NTN4: variants seen among roughly 807,000 people sequenced by gnomAD.
NTN4 encodes netrin-4.
Under a neutral mutation model 73.6 loss-of-function variants are expected in NTN4, and 32 were observed. The observed-to-expected ratio is 0.44, with a 90% CI of 0.33 to 0.58. The LOEUF (loss-of-function observed/expected upper bound fraction) is 0.58, where lower values mean the gene tolerates loss of function less well. NTN4 is among the 20% of genes least tolerant of loss of function. NTN4 has a pLI of 0.04. For missense variants in NTN4, 654 were observed against 798.3 expected (o/e 0.82, Z 2.18); for synonymous variants, 258 against 287.5 (o/e 0.90, Z 1.04).
intron 3 of NTN4, among the ~76,000 whole-genome samples, chr12:95,732,071 T>A (rs2078741133): frequency 6.6e-6 from 1 of 152,224 alleles, no homozygotes; most frequent in African/African-American, 2.4e-5. Flanking sequence ...TTTACAGATG[T>A]ACATTTCCAA....
At chr12:95,742,492 G>A (rs769815177) in intron 2 of NTN4, among the ~76,000 whole-genome samples, 1 of 152,146 alleles carries the variant, frequency 6.6e-6, no homozygotes, top group African/African-American at 2.4e-5. Flanking sequence ...GGAATTCTTT[G>A]AGAATCAAAC....
intron 2 of NTN4, among the ~76,000 whole-genome samples, chr12:95,766,645 T>C (rs1002941179): frequency 1.3e-5 from 2 of 152,258 alleles, no homozygotes; most frequent in African/African-American, 4.8e-5. Context: ...TTGTTCATTA[T>C]ATAACGAGGT....
chr12:95,758,922 C>A (rs1396991870), intron 2 of NTN4, among the ~76,000 whole-genome samples: 2 of 152,102 alleles, frequency 1.3e-5, no homozygotes, highest in African/African-American at 4.8e-5. Context: ...TGTTTTGTGT[C>A]CCATTCTAAG....
chr12:95,735,900 T>TA lies in NTN4; in HGVS notation c.864+1965dup, dbSNP rs376299997. ...TTAAATGCCTGCTCATGATTTTTTT[T>TA]AAATTTTTATTTATTTATTTATTTA... On this transcript the variant is annotated intron_variant, in intron 3 of 9. Coordinates refer to ENST00000343702, the MANE Select transcript of NTN4 (RefSeq NM_021229.4). Among the ~76,000 whole-genome samples, 1,204 of 145,822 alleles carry TA rather than the reference T, an allele frequency of 8.3e-3. 15 individuals carry two copies. The highest frequency in any genetic ancestry group is 0.028 in the African/African-American group (1,140 of 40,208).
intron 5 of NTN4, among the ~76,000 whole-genome samples, chr12:95,700,899 T>C (rs2909534): frequency 0.81 from 121,183 of 149,266 alleles, 49,322 homozygotes; most frequent in South Asian, 0.86. Flanking sequence ...TTGCAACTTC[T>C]GCCTCCTCGG....
chr12:95,779,539 G>C (rs1370795988), intron 2 of NTN4, among the ~76,000 whole-genome samples: 1 of 152,118 alleles, frequency 6.6e-6, no homozygotes, highest in African/African-American at 2.4e-5. Context: ...CAAATCATGA[G>C]TGAACTCCCA....
At chr12:95,777,913 G>GAAGTA (rs199644175) in intron 2 of NTN4, among the ~76,000 whole-genome samples, 128,799 of 151,432 alleles carry the variant, frequency 0.85, 55,144 homozygotes, top group African/African-American at 0.9. Flanking sequence ...CACATAGCTG[G>GAAGTA]AAGTACTCCT....
intron 2 of NTN4, among the ~76,000 whole-genome samples, chr12:95,775,761 C>T (rs1456829382): frequency 2.0e-5 from 3 of 152,336 alleles, no homozygotes; most frequent in Non-Finnish European, 2.9e-5. Flanking sequence ...GGGGGCAGGG[C>T]ATAGCCGAAT....
chr12:95,663,595 C>T (rs1337839288), intron 9 of NTN4: 1 of 152,222 alleles, frequency 6.6e-6, no homozygotes, highest in Non-Finnish European at 1.5e-5. Context: ...TGTAAGGTTT[C>T]AGTTTTCTTA....
intron 3 of NTN4, among the ~76,000 whole-genome samples, chr12:95,714,144 C>G (rs2078588483): frequency 6.6e-6 from 1 of 151,928 alleles, no homozygotes; most frequent in Admixed American, 6.6e-5. Flanking sequence ...GAGAGAAATA[C>G]TTCAGTAGAA....
rs948838767 is a variant in NTN4 at position 95,787,461 on chromosome 12, A to C, written c.63T>G (p.Ser21Arg). ...AGCGGGAACTCACTCCAGCTACTCC[A>C]CTCAGTCCTAAGAAAGGGAAAGCAT... is the stretch of plus-strand genomic sequence containing the variant. ...WGCTVVAAGL[S>R]GVAGVSSRCE... Residue 21 changes from serine (S) to arginine (R), a missense_variant, in exon 2 of 10, where the codon AGT (serine) becomes AGG (arginine). Physicochemically the swap from Ser to Arg is moderately radical, Grantham distance 110. Coordinates refer to ENST00000343702, the MANE Select transcript of NTN4 (RefSeq NM_021229.4). 1.2e-6 allele frequency: 2 copies of C among 1,613,354 alleles called. No individual in the cohort carries two copies. Among genetic ancestry groups the C allele is most frequent in the Admixed American group, 3.3e-5 (2 of 59,970 alleles).
chr12:95,710,365 G>T, intron 5 of NTN4, 76 bp downstream of exon 5: 1 of 1,219,100 alleles, frequency 8.2e-7, no homozygotes, highest in Non-Finnish European at 1.2e-6. Context: ...CTTCTTTTGG[G>T]TTAGCAGAAT....
rs139436633 is a variant in NTN4, at chr12:95,699,760, A to G, written c.1180+10681T>C. 9.9e-4 allele frequency among the ~76,000 whole-genome samples: 150 copies of G among 152,282 alleles called. 2 individuals carry two copies. In the East Asian group the frequency reaches 0.026, roughly 26 times the overall value. On this transcript the variant is annotated intron_variant, in intron 5 of 9. Coordinates refer to ENST00000343702, the MANE Select transcript of NTN4 (RefSeq NM_021229.4). The stretch of plus-strand genomic sequence containing the variant: ...TTTGGGTTTTAGGGCAGAGAGACCA[A>G]GTTTATTTTTATTCACTCTGTGCTA...
intron 2 of NTN4, among the ~76,000 whole-genome samples, chr12:95,762,190 A>G (rs1592710027): frequency 1.3e-5 from 2 of 152,104 alleles, no homozygotes; most frequent in East Asian, 3.9e-4. Flanking sequence ...TTTTCATTCA[A>G]GAGTCTTTAT....
At chr12:95,688,601 G>C (rs913557401) in intron 5 of NTN4, among the ~76,000 whole-genome samples, 7 of 152,098 alleles carry the variant, frequency 4.6e-5, no homozygotes, top group African/African-American at 1.4e-4. Context: ...ATACAGTTTT[G>C]AGAGTTGTCA....
chr12:95,754,088 A>G (rs1039092986), intron 2 of NTN4, among the ~76,000 whole-genome samples: 3 of 152,128 alleles, frequency 2.0e-5, no homozygotes, highest in African/African-American at 7.2e-5. Flanking sequence ...GACTATGCTG[A>G]ATCTCCTTAG....
At chr12:95,724,498 A>T (rs778112261) in intron 3 of NTN4, among the ~76,000 whole-genome samples, 22 of 152,234 alleles carry the variant, frequency 1.4e-4, no homozygotes, top group Non-Finnish European at 3.1e-4. Flanking sequence ...TGCAATGGCA[A>T]TAAAGTAAGG....
In NTN4 at chr12:95,694,727, A is replaced by G. The variant is rs568363452; in HGVS notation, c.1181-11016T>C. Among the ~76,000 whole-genome samples, 3 of 152,192 alleles carry G rather than the reference A, an allele frequency of 2.0e-5. No individual in the cohort carries two copies. The East Asian group carries it at 5.8e-4, about 29-fold the overall frequency. On this transcript the variant is annotated intron_variant, in intron 5 of 9. Coordinates refer to ENST00000343702, the MANE Select transcript of NTN4 (RefSeq NM_021229.4). ...TTTACTCTGTGAAAGGCCATATGGTACCCCTTTACTATCCTAGGGAACATT... is the reference window on the plus strand; with the variant it reads ...TTTACTCTGTGAAAGGCCATATGGTGCCCCTTTACTATCCTAGGGAACATT...
intron 3 of NTN4, among the ~76,000 whole-genome samples, chr12:95,728,372 T>C (rs2078711076): frequency 6.6e-6 from 1 of 152,198 alleles, no homozygotes; most frequent in Admixed American, 6.5e-5. Context: ...TTCCTGATCA[T>C]GGGAGGAAGT....
Sources: gnomAD v4.1 joint callset for allele counts (sites outside exome capture counted in the v4.1 genomes callset) on GRCh38, gnomAD v4.1.1 for gene constraint, MANE v1.5 for transcripts, NCBI Gene and HGNC (gene_info 2026-07-23, HGNC 2026-07-21) for gene names.